The following PDE7B variants were observed in gnomAD, a reference collection of about 807,000 sequenced individuals.
PDE7B encodes the protein phosphodiesterase 7B, also known as 3',5'-cyclic-AMP phosphodiesterase 7B.
A neutral mutation model predicts 56.2 loss-of-function variants in PDE7B; 29 were observed. The observed-to-expected ratio is 0.52, with a 90% CI of 0.38 to 0.70. PDE7B has a LOEUF of 0.70. PDE7B is among the 30% of genes least tolerant of loss of function. The probability of loss-of-function intolerance (pLI) is 0.00; values close to 1 mark genes in which losing one functional copy is unlikely to be tolerated. For missense variants in PDE7B, 490 were observed against 565.0 expected (o/e 0.87, Z 1.35); for synonymous variants, 197 against 196.9 (o/e 1.00, Z 0.00).
intron 2 of PDE7B, among the ~76,000 whole-genome samples, chr6:136,077,736 C>T (rs1777146665): frequency 6.6e-6 from 1 of 152,094 alleles, no homozygotes; most frequent in Non-Finnish European, 1.5e-5. Context: ...AATATTCCTG[C>T]ACTAATATGT....
intron 8 of PDE7B, among the ~76,000 whole-genome samples, chr6:136,172,026 C>T (rs1167031189): frequency 3.9e-5 from 6 of 151,942 alleles, no homozygotes; most frequent in Non-Finnish European, 7.4e-5. Context: ...TTTTCTTAAT[C>T]CAGTCTATCA....
chr6:136,178,828 G>A (rs1370532031), intron 9 of PDE7B, among the ~76,000 whole-genome samples, 169 bp from the exon 10 acceptor site: 1 of 152,184 alleles, frequency 6.6e-6, no homozygotes, highest in Non-Finnish European at 1.5e-5. Flanking sequence ...GGACGCAACT[G>A]GTGGGTGGGA....
At chr6:136,177,233 T>C (rs1454739143) in intron 9 of PDE7B, among the ~76,000 whole-genome samples, 3 of 152,052 alleles carry the variant, frequency 2.0e-5, no homozygotes, top group African/African-American at 2.4e-5. Context: ...GAGGTGGAGA[T>C]GGGAGGATCA....
chr6:136,112,237 A>T (rs1777761831), intron 3 of PDE7B, among the ~76,000 whole-genome samples: 1 of 152,178 alleles, frequency 6.6e-6, no homozygotes. Context: ...AAAATCTAAA[A>T]TTACTTGTCT....
intron 2 of PDE7B, among the ~76,000 whole-genome samples, chr6:135,969,914 A>G (rs1466673506): frequency 6.6e-6 from 1 of 152,204 alleles, no homozygotes; most frequent in Non-Finnish European, 1.5e-5. Flanking sequence ...AGGTGGGGAA[A>G]TGATGAAGAT....
chr6:136,185,525 CAGG>C (rs1257769888), intron 11 of PDE7B, among the ~76,000 whole-genome samples: 1 of 152,002 alleles, frequency 6.6e-6, no homozygotes, highest in African/African-American at 2.4e-5. Context: ...GAGGCTGAAG[CAGG>C]AGGATTGCTT....
chr6:136,039,439 T>C (rs1357227256), intron 2 of PDE7B, among the ~76,000 whole-genome samples: 4 of 152,138 alleles, frequency 2.6e-5, no homozygotes, highest in Non-Finnish European at 1.5e-5. Context: ...TGGCGTGCCA[T>C]TGGCGGTGAG....
At chr6:136,069,340 A>T (rs1229489515) in intron 2 of PDE7B, among the ~76,000 whole-genome samples, 4 of 152,236 alleles carry the variant, frequency 2.6e-5, no homozygotes, top group Admixed American at 6.5e-5. Context: ...ACCATTCACA[A>T]GCACGTGCAT....
intron 2 of PDE7B, among the ~76,000 whole-genome samples, chr6:136,108,107 C>T (rs965355410): frequency 4.0e-5 from 3 of 75,310 alleles, no homozygotes; most frequent in African/African-American, 1.5e-4. Flanking sequence ...AACCTGGCAA[C>T]AAAGCGAGAC....
chr6:136,046,763 T>C (rs943304557), intron 2 of PDE7B, among the ~76,000 whole-genome samples: 1 of 152,152 alleles, frequency 6.6e-6, no homozygotes, highest in Non-Finnish European at 1.5e-5. Flanking sequence ...CCTCTTAATA[T>C]ATTAAAGGGA....
At chr6:135,892,745 C>T (rs141863194) in intron 1 of PDE7B, among the ~76,000 whole-genome samples, 1 of 152,182 alleles carries the variant, frequency 6.6e-6, no homozygotes, top group East Asian at 1.9e-4. Flanking sequence ...ATAGAAGAGA[C>T]GATTTGAAAT....
At chr6:135,895,857 C>T (rs1427624388) in intron 1 of PDE7B, among the ~76,000 whole-genome samples, 2 of 152,058 alleles carry the variant, frequency 1.3e-5, no homozygotes, top group African/African-American at 2.4e-5. Context: ...AAGAGACAGC[C>T]TTGTATTTGT....
At chr6:135,992,357 C>T (rs1425239912) in intron 2 of PDE7B, among the ~76,000 whole-genome samples, 1 of 152,208 alleles carries the variant, frequency 6.6e-6, no homozygotes, top group African/African-American at 2.4e-5. Flanking sequence ...TTCACCATAG[C>T]AGTCTCTTAG....
At chr6:135,925,213 G>A (rs1258543418) in intron 1 of PDE7B, among the ~76,000 whole-genome samples, 1 of 151,732 alleles carries the variant, frequency 6.6e-6, no homozygotes, top group Non-Finnish European at 1.5e-5. Context: ...AACTGCCAAG[G>A]GTTCAACTTG....
chr6:136,191,402 C>G (rs1339410160), intron 12 of PDE7B, among the ~76,000 whole-genome samples: 1 of 152,216 alleles, frequency 6.6e-6, no homozygotes, highest in African/African-American at 2.4e-5. Context: ...CACAGTGGCT[C>G]AGGCCCGTAA....
intron 2 of PDE7B, among the ~76,000 whole-genome samples, chr6:136,006,415 G>T (rs1775785293): frequency 6.6e-6 from 1 of 151,834 alleles, no homozygotes; most frequent in African/African-American, 2.4e-5. Context: ...GGTTCCATAT[G>T]AATTTTTAAA....
chr6:136,020,870 T>C (rs1776059113), intron 2 of PDE7B, among the ~76,000 whole-genome samples: 1 of 152,208 alleles, frequency 6.6e-6, no homozygotes, highest in Non-Finnish European at 1.5e-5. Flanking sequence ...CATTTTACCA[T>C]TGCATTATAA....
At position 136,079,923 on chromosome 6, in the gene PDE7B, C is replaced by T. The variant is rs796444324; in HGVS notation, c.83-28808C>T. ...CCTTTGTAGATTGGGACCCATCCTA[C>T]GTCAGCCTGGGAAAATCACTCCAAA... On this transcript the variant is annotated intron_variant, in intron 2 of 12. Coordinates refer to ENST00000308191, the MANE Select transcript of PDE7B (RefSeq NM_018945.4). 9.2e-5 allele frequency among the ~76,000 whole-genome samples: 14 copies of T among 152,008 alleles called. 1 individual carries two copies. Among genetic ancestry groups the T allele is most frequent in the African/African-American group, 2.7e-4 (11 of 41,456 alleles).
intron 2 of PDE7B, among the ~76,000 whole-genome samples, chr6:135,986,291 G>A (rs79786828): frequency 8.5e-5 from 13 of 152,144 alleles, no homozygotes; most frequent in Admixed American, 7.9e-4. Context: ...TCTCCTCTGA[G>A]TGGATTATGT....
Sources: gnomAD v4.1 joint callset for allele counts (sites outside exome capture counted in the v4.1 genomes callset) on GRCh38, gnomAD v4.1.1 for gene constraint, MANE v1.5 for transcripts, NCBI Gene and HGNC (gene_info 2026-07-23, HGNC 2026-07-21) for gene names.